The following DNAH10 variants were observed in gnomAD, a reference collection of about 807,000 sequenced individuals.
The protein encoded by DNAH10 is axonemal beta dynein heavy chain 10.
In DNAH10, 348 loss-of-function variants were observed where a neutral mutation model predicts 506.6. That is an observed-to-expected ratio of 0.69 (90% CI 0.63 to 0.75). The LOEUF (loss-of-function observed/expected upper bound fraction) is 0.75, where lower values mean the gene tolerates loss of function less well. DNAH10 is among the 30% of genes least tolerant of loss of function. DNAH10 has a pLI of 0.00. For missense variants in DNAH10, 5,179 were observed against 5,787.1 expected (o/e 0.89, Z 3.41); for synonymous variants, 2,059 against 2,198.6 (o/e 0.94, Z 1.78).
chr12:123,882,783 C>A (rs1171962375), intron 51 of DNAH10, among the ~76,000 whole-genome samples: 1 of 101,298 alleles, frequency 9.9e-6, no homozygotes, highest in Non-Finnish European at 1.8e-5. Context: ...CAGAGTAAGA[C>A]TCTGTCAAAA....
Position 123,933,484 on chromosome 12 carries a change from G to C in DNAH10, c.13450G>C (p.Asp4484His), listed in dbSNP as rs1338923069. ...FTQVTKFQDA[D>H]EVNERAGQGC... ...ACAAGTGACCAAGTTCCAGGATGCAGATGAAGTGAATGAGCGGGCGGGACA... is the reference window on the plus strand; with the variant it reads ...ACAAGTGACCAAGTTCCAGGATGCACATGAAGTGAATGAGCGGGCGGGACA... The change falls in exon 77 of 79, where the codon GAT (aspartate) becomes CAT (histidine). Residue 4484 changes from aspartate to histidine, a missense_variant. By Grantham distance (81) the Asp-to-His change is moderately conservative. Coordinates refer to ENST00000673944, the MANE Select transcript of DNAH10 (RefSeq NM_001372106.1). 4.4e-6 allele frequency: 7 copies of C among 1,609,002 alleles called. No individual in the cohort carries two copies. The highest frequency in any genetic ancestry group is 5.9e-6 in the Non-Finnish European group (7 of 1,177,114).
intron 41 of DNAH10, among the ~76,000 whole-genome samples, chr12:123,866,434 G>A (rs1351258097): frequency 1.3e-5 from 2 of 151,446 alleles, no homozygotes; most frequent in Admixed American, 1.3e-4. Flanking sequence ...TAGTAGAGGC[G>A]GGGTTTCACC....
At chr12:123,765,363 T>C (rs1956983334) in intron 1 of DNAH10, among the ~76,000 whole-genome samples, 2 of 152,166 alleles carry the variant, frequency 1.3e-5, no homozygotes, top group Admixed American at 1.3e-4. Context: ...TCACAGAACA[T>C]AGAATTACAT....
At chr12:123,805,836 GCA>G (rs1958652761) in intron 18 of DNAH10, among the ~76,000 whole-genome samples, 1 of 150,770 alleles carries the variant, frequency 6.6e-6, no homozygotes, top group Non-Finnish European at 1.5e-5. Flanking sequence ...GAGTGCAGTG[GCA>G]TGATCTCGGC....
At chr12:123,879,219 C>T in intron 48 of DNAH10, 45 bp from the exon 49 acceptor site, 1 of 1,520,464 alleles carries the variant, frequency 6.6e-7, no homozygotes, top group African/African-American at 1.4e-5. Context: ...CCCTGGTATC[C>T]TTCAGGTGAC....
chr12:123,800,985 C>T (rs960038450), intron 15 of DNAH10, among the ~76,000 whole-genome samples: 3 of 151,898 alleles, frequency 2.0e-5, no homozygotes, highest in Admixed American at 6.6e-5. Flanking sequence ...CCACTGCACT[C>T]CAGCCTAGGC....
chr12:123,803,585 A>AT, intron 16 of DNAH10, 76 bp from the exon 17 acceptor site: 1 of 1,369,776 alleles, frequency 7.3e-7, no homozygotes, highest in Non-Finnish European at 9.6e-7. Flanking sequence ...CAGTATTAAC[A>AT]TCACAGACGT....
chr12:123,762,412 G>A lies in DNAH10; in HGVS notation c.76G>A (p.Glu26Lys), dbSNP rs886617119. 7.1e-7 allele frequency: 1 copy of A among 1,403,058 alleles called. No individual in the cohort carries two copies. Among genetic ancestry groups the A allele is most frequent in the Non-Finnish European group, 9.3e-7 (1 of 1,073,690 alleles). The allele number at this position is 1,403,058 out of a possible 1,614,324, so 86.9% of individuals were successfully genotyped here. A position where few individuals can be genotyped will look rare whatever the true frequency, so the allele number is the denominator to read the frequency against. The change falls in exon 1 of 79, where the codon GAG (glutamate) becomes AAG (lysine). Residue 26 changes from glutamate to lysine, a missense_variant. Glu to Lys is a moderately conservative substitution (Grantham distance 56, BLOSUM62 1). This residue lies in a region of DNAH10 where 326 missense variants were observed against 330.8 expected (regional missense o/e 0.99). Transcript: ENST00000673944. This position sits in a 1 kb window ranked among gnomAD's most constrained non-coding sequence, Gnocchi z 5.0. The part of the protein sequence containing the change: ...AFGITDPQLF[E>K]DLLNRDDGQG... Reference sequence around the variant, plus strand: ...CGGCATCACCGACCCCCAGCTTTTCGAGGACCTGCTCAACCGCGACGACGG... The same window carrying A: ...CGGCATCACCGACCCCCAGCTTTTCAAGGACCTGCTCAACCGCGACGACGG...
At chr12:123,877,096 G>A (rs1952287540) in intron 47 of DNAH10, among the ~76,000 whole-genome samples, 1 of 152,160 alleles carries the variant, frequency 6.6e-6, no homozygotes, top group Admixed American at 6.6e-5. Context: ...ACCCTGGAAG[G>A]AAACCCACAC....
intron 46 of DNAH10, 109 bp from the exon 47 acceptor site, chr12:123,875,122 C>A (rs1952200136): frequency 8.4e-6 from 11 of 1,304,624 alleles, no homozygotes; most frequent in Non-Finnish European, 1.1e-5. Context: ...CCGAGGTGCC[C>A]TGGAGAGTAA....
At chr12:123,772,742 T>G in intron 3 of DNAH10, 92 bp from the exon 4 acceptor site, 12 of 934,562 alleles carry the variant, frequency 1.3e-5, no homozygotes, top group Non-Finnish European at 2.0e-5. Context: ...GCCATTGTGT[T>G]GAGAGGAGAG....
At chr12:123,856,775 TTATATAATTTCTG>T (rs1242140174) in intron 36 of DNAH10, among the ~76,000 whole-genome samples, 2 of 147,674 alleles carry the variant, frequency 1.4e-5, no homozygotes, top group East Asian at 3.9e-4. Context: ...AAAAATAAAA[TTATATAATTTCTG>T]TATATAAAAA....
In DNAH10 at chr12:123,846,198, C is replaced by T. The variant is rs775420796; in HGVS notation, c.5814+44C>T. The stretch of plus-strand genomic sequence containing the variant: ...CTTGTGGTTACCACTTACCTTGGGG[C>T]GGGGCATTTTCTCTAAGCTTGAGGT... On this transcript the variant is annotated intron_variant, in intron 32 of 78. Transcript: ENST00000673944. The surrounding 1 kb of genome is among the most constrained non-coding windows in gnomAD (Gnocchi z 4.5). 2.3e-5 allele frequency: 37 copies of T among 1,576,034 alleles called. No homozygotes were observed. The highest frequency in any genetic ancestry group is 9.0e-5 in the Admixed American group (5 of 55,746).
Position 123,797,329 on chromosome 12 carries a change from T to A in DNAH10, c.2163+497T>A, listed in dbSNP as rs537353420. 4.5e-4 allele frequency among the ~76,000 whole-genome samples: 69 copies of A among 152,306 alleles called. No individual in the cohort carries two copies. The South Asian group carries it at 0.014, about 31-fold the overall frequency. On this transcript the variant is annotated intron_variant, in intron 13 of 78. Coordinates refer to ENST00000673944, the MANE Select transcript of DNAH10 (RefSeq NM_001372106.1). ...CCATGCCTGTGAGTTAGAGGGTCTT[T>A]CTGTTGTCCTTGCATTCATGCTCAT... is the stretch of plus-strand genomic sequence containing the variant.
intron 39 of DNAH10, among the ~76,000 whole-genome samples, chr12:123,864,168 C>T (rs75500689): frequency 0.017 from 1,667 of 99,418 alleles, 87 homozygotes; most frequent in East Asian, 0.13. Flanking sequence ...TTTTTTGAGA[C>T]GGGGTCTTGC....
chr12:123,800,789 C>T (rs367715974), intron 15 of DNAH10, among the ~76,000 whole-genome samples: 57 of 151,994 alleles, frequency 3.8e-4, no homozygotes, highest in African/African-American at 7.7e-4. Flanking sequence ...GAGGCCGAGG[C>T]GGGCAGATCA....
intron 32 of DNAH10, among the ~76,000 whole-genome samples, chr12:123,847,379 G>T (rs1283996157): frequency 6.9e-6 from 1 of 145,552 alleles, no homozygotes; most frequent in Non-Finnish European, 1.6e-5. Flanking sequence ...GATTTATTAT[G>T]AGGTATTGAC....
intron 5 of DNAH10, among the ~76,000 whole-genome samples, chr12:123,778,546 A>C (rs1957524673): frequency 6.6e-6 from 1 of 151,930 alleles, no homozygotes; most frequent in African/African-American, 2.4e-5. Flanking sequence ...AATTACAAAA[A>C]TTAGCTGGGC....
intron 51 of DNAH10, among the ~76,000 whole-genome samples, chr12:123,884,245 G>C (rs1250562312): frequency 6.6e-6 from 1 of 152,210 alleles, no homozygotes; most frequent in Non-Finnish European, 1.5e-5. Context: ...ATGTTGGCCA[G>C]GATGGTCTTG....
Sources: gnomAD v4.1 joint callset for allele counts (sites outside exome capture counted in the v4.1 genomes callset) on GRCh38, gnomAD v4.1.1 for gene constraint, gnomAD v4.1.1 regional missense constraint, Gnocchi (gnomAD v3.1) non-coding constraint, MANE v1.5 for transcripts, NCBI Gene and HGNC (gene_info 2026-07-23, HGNC 2026-07-21) for gene names.